UBXN2A: variants seen among roughly 807,000 people sequenced by gnomAD.
UBXN2A encodes the protein UBX domain-containing protein 2A.
Under a neutral mutation model 28.4 loss-of-function variants are expected in UBXN2A, and 28 were observed. That is an observed-to-expected ratio of 0.99 (90% CI 0.73 to 1.35). The LOEUF (loss-of-function observed/expected upper bound fraction) is 1.35. Among genes scored for constraint, UBXN2A ranks in the 40% most tolerant of loss-of-function variants. The pLI is 0.00. For missense variants in UBXN2A, 253 were observed against 297.9 expected, an observed-to-expected ratio of 0.85 and a Z score of 1.11; for synonymous variants, 97 against 103.6, an observed-to-expected ratio of 0.94 and a Z score of 0.39.
chr2:23,955,191 A>G (rs1160189293), intron 1 of UBXN2A, among the ~76,000 whole-genome samples: 1 of 152,036 alleles, frequency 6.6e-6, no homozygotes, highest in Non-Finnish European at 1.5e-5. Flanking sequence ...TCGGCCTCCC[A>G]AAGTGCTGGG....
At chr2:23,985,253 T>G (rs1000069667) in intron 6 of UBXN2A, among the ~76,000 whole-genome samples, 1 of 151,726 alleles carries the variant, frequency 6.6e-6, no homozygotes. Flanking sequence ...TTTTATTTAT[T>G]TATTTATTTT....
At position 23,999,973 on chromosome 2, in the gene UBXN2A, C is replaced by G; in HGVS notation, c.*106C>G. On this transcript the variant is annotated 3_prime_UTR_variant, in exon 7 of 7. Transcript: ENST00000309033. ...AGTCAGACTCACTAGACTTTTGGTT[C>G]GAGTACTATTGAACTCTCTCCTGAT... The G allele has an allele frequency of 1.8e-6, 2 of 1,122,674 alleles. No homozygotes were observed. The highest frequency in any genetic ancestry group is 2.6e-6 in the Non-Finnish European group (2 of 783,578). The allele number at this position is 1,122,674 out of a possible 1,614,324, so 69.5% of individuals were successfully genotyped here. A position where few individuals can be genotyped will look rare whatever the true frequency, so the allele number is the denominator to read the frequency against.
In UBXN2A at chr2:23,940,597, G is replaced by T. The variant is rs769601195; in HGVS notation, c.-66G>T. Reference sequence around the variant, plus strand: ...CAAACGGAGCCCGCGGCCAAACGGTGCCTGCGGTGCCTGAGCTGAGTGAGG... The same window carrying T: ...CAAACGGAGCCCGCGGCCAAACGGTTCCTGCGGTGCCTGAGCTGAGTGAGG... On this transcript the variant is annotated 5_prime_UTR_variant, in exon 1 of 7. Transcript: ENST00000309033. 1.0e-3 allele frequency: 159 copies of T among 151,540 alleles called. No homozygotes were observed. Among genetic ancestry groups the T allele is most frequent in the Middle Eastern group, 6.8e-3 (2 of 294 alleles). The allele number at this position is 151,540 out of a possible 1,614,324, so 9.4% of individuals were successfully genotyped here.
chr2:23,941,072 T>G (rs2150794731), intron 1 of UBXN2A, among the ~76,000 whole-genome samples: 1 of 152,272 alleles, frequency 6.6e-6, no homozygotes, highest in Non-Finnish European at 1.5e-5. Flanking sequence ...TCACTTTCTC[T>G]GATGTTTTGA....
At chr2:23,969,907 G>C (rs1051103744) in intron 2 of UBXN2A, among the ~76,000 whole-genome samples, 2 of 152,168 alleles carry the variant, frequency 1.3e-5, no homozygotes, top group Non-Finnish European at 2.9e-5. Context: ...AATTGTTCCT[G>C]ATGCATTATC....
rs1479248766 is a variant in UBXN2A at position 23,953,749 on chromosome 2, T to G, written c.-14-4552T>G. ...ATTTTTCCTAAAGAATTTCCCACAT[T>G]CTGGACTTTGTTGATTGCATTCTTG... On this transcript the variant is annotated intron_variant, in intron 1 of 6. Coordinates refer to ENST00000309033, the MANE Select transcript of UBXN2A (RefSeq NM_181713.4). Among the ~76,000 whole-genome samples, 3 of 152,206 alleles carry G rather than the reference T, an allele frequency of 2.0e-5. No homozygotes were observed. In the East Asian group the frequency reaches 5.8e-4, roughly 29 times the overall value.
chr2:23,984,470 TG>T (rs1708041814), intron 5 of UBXN2A, among the ~76,000 whole-genome samples: 1 of 152,196 alleles, frequency 6.6e-6, no homozygotes, highest in African/African-American at 2.4e-5. Context: ...TACTCAGATA[TG>T]TATAACTTCA....
At chr2:23,961,284 T>A (rs1706895989) in intron 2 of UBXN2A, among the ~76,000 whole-genome samples, 1 of 151,288 alleles carries the variant, frequency 6.6e-6, no homozygotes. Flanking sequence ...TTAGTAGAGA[T>A]GGGGTTTCAC....
At chr2:23,978,527 C>T (rs1370110733) in intron 4 of UBXN2A, among the ~76,000 whole-genome samples, 2 of 151,926 alleles carry the variant, frequency 1.3e-5, no homozygotes, top group African/African-American at 4.8e-5. Context: ...ACCTGTAGTC[C>T]CAGCTACTTG....
intron 5 of UBXN2A, among the ~76,000 whole-genome samples, chr2:23,983,964 C>T (rs1293146570): frequency 6.6e-6 from 1 of 152,222 alleles, no homozygotes; most frequent in South Asian, 2.1e-4. Context: ...GTGTGAGCCA[C>T]CGCACCCAGC....
rs527715616 is a variant in UBXN2A, at chr2:23,992,260, G to A, written c.585-7412G>A. On this transcript the variant is annotated intron_variant, in intron 6 of 6. Coordinates refer to ENST00000309033, the MANE Select transcript of UBXN2A (RefSeq NM_181713.4). Reference sequence around the variant, plus strand: ...GCTGGGATTACAGGCATGAGCCACCGCGCCCAGCCTAATTTTGGTATTTTT... The same window carrying A: ...GCTGGGATTACAGGCATGAGCCACCACGCCCAGCCTAATTTTGGTATTTTT... 5.3e-5 allele frequency among the ~76,000 whole-genome samples: 8 copies of A among 152,012 alleles called. No individual in the cohort carries two copies. In the South Asian group the frequency reaches 8.3e-4, roughly 16 times the overall value.
intron 1 of UBXN2A, among the ~76,000 whole-genome samples, chr2:23,951,029 T>C (rs1706337695): frequency 6.6e-6 from 1 of 152,128 alleles, no homozygotes; most frequent in African/African-American, 2.4e-5. Context: ...TGGGATACAT[T>C]GTGGTGTTTC....
intron 1 of UBXN2A, chr2:23,944,349 T>G: frequency 6.4e-7 from 1 of 1,573,192 alleles, no homozygotes; most frequent in South Asian, 1.1e-5. Context: ...GGCAGCTGTG[T>G]GAAGAACTGA....
At chr2:23,977,147 T>A in intron 4 of UBXN2A, 72 bp downstream of exon 4, 1 of 1,270,136 alleles carries the variant, frequency 7.9e-7, no homozygotes, top group East Asian at 2.4e-5. Flanking sequence ...GAGGATTGCC[T>A]GAGCTCAGGA....
chr2:23,986,494 AG>A (rs1209403531), intron 6 of UBXN2A, among the ~76,000 whole-genome samples: 1 of 152,138 alleles, frequency 6.6e-6, no homozygotes, highest in Non-Finnish European at 1.5e-5. Context: ...TTATAGTGAA[AG>A]AATGAAAATA....
chr2:23,957,582 C>G (rs1417590108), intron 1 of UBXN2A, among the ~76,000 whole-genome samples: 2 of 151,998 alleles, frequency 1.3e-5, no homozygotes, highest in Non-Finnish European at 1.5e-5. Flanking sequence ...CACCTGTAAT[C>G]CCAGGACTTT....
At chr2:23,942,131 A>G (rs1705791265) in intron 1 of UBXN2A, among the ~76,000 whole-genome samples, 1 of 152,192 alleles carries the variant, frequency 6.6e-6, no homozygotes, top group South Asian at 2.1e-4. Context: ...ATAAGCAAAG[A>G]CAGAGGCTAA....
rs761717470 is a variant in UBXN2A, at chr2:23,977,084, C to A, written c.287+9C>A. On this transcript the variant is annotated intron_variant, in intron 4 of 6. Transcript: ENST00000309033. ...AACTCCATCAAAAAGGGGTGAGTAG[C>A]CAGGTGTGGTAGGTCAAGCCTGTAA... 1.2e-6 allele frequency: 2 copies of A among 1,606,910 alleles called. No individual in the cohort carries two copies. Among genetic ancestry groups the A allele is most frequent in the Admixed American group, 3.3e-5 (2 of 59,868 alleles).
upstream of UBXN2A, among the ~76,000 whole-genome samples, chr2:23,937,753 G>T (rs1705570943): frequency 6.6e-6 from 1 of 152,194 alleles, no homozygotes; most frequent in African/African-American, 2.4e-5. Flanking sequence ...ATGAAAGAAG[G>T]TCTAAGTATG....
Sources: allele counts gnomAD v4.1 joint callset (sites outside exome capture counted in the v4.1 genomes callset), GRCh38; gene constraint gnomAD v4.1.1; transcripts MANE v1.5; gene names NCBI Gene and HGNC (gene_info 2026-07-23, HGNC 2026-07-21).